The following PCDHGB5 variants were observed in gnomAD, a reference collection of about 807,000 sequenced individuals.
PCDHGB5 encodes protocadherin gamma subfamily B, 5.
In PCDHGB5, 48 loss-of-function variants were observed where a neutral mutation model predicts 62.9. That is an observed-to-expected ratio of 0.76 (90% confidence interval 0.61 to 0.97). The LOEUF is 0.97. PCDHGB5 is among the 50% of genes least tolerant of loss of function. The probability of loss-of-function intolerance (pLI) is 0.00; values close to 1 mark genes in which losing one functional copy is unlikely to be tolerated. For missense variants in PCDHGB5, 1,118 were observed against 1,198.6 expected, an observed-to-expected ratio of 0.93 and a Z score of 0.99; for synonymous variants, 474 against 511.2, an observed-to-expected ratio of 0.93 and a Z score of 0.98.
chr5:141,509,059 C>T (rs1313349089), intron 3 of PCDHGB5, among the ~76,000 whole-genome samples: 2 of 152,182 alleles, frequency 1.3e-5, no homozygotes, highest in Non-Finnish European at 2.9e-5. Flanking sequence ...CCAGAAAGCT[C>T]TCAGCTCCGG....
Position 141,477,931 on chromosome 5 carries a change from G to T in PCDHGB5, c.2398-16876G>T. 6.2e-7 allele frequency: 1 copy of T among 1,614,138 alleles called. No homozygotes were observed. Among genetic ancestry groups the T allele is most frequent in the Non-Finnish European group, 8.5e-7 (1 of 1,180,040 alleles). ...ACGCGGATGCAGGGCACAATGCCTG[G>T]CTCTCCTACAGTCTCTTGGGATCCC... On this transcript the variant is annotated intron_variant, in intron 1 of 3. Coordinates refer to ENST00000617380, the MANE Select transcript of PCDHGB5 (RefSeq NM_018925.3). This position sits in a 1 kb window ranked among gnomAD's most constrained non-coding sequence, Gnocchi z 4.9.
chr5:141,425,057 C>T (rs926732426), intron 1 of PCDHGB5, among the ~76,000 whole-genome samples: 4 of 152,026 alleles, frequency 2.6e-5, no homozygotes, highest in African/African-American at 4.8e-5. Flanking sequence ...ATCTAGGGCT[C>T]GGACAAAAAT....
chr5:141,400,515 T>C lies in PCDHGB5; in HGVS notation c.2388T>C (p.His796=), dbSNP rs367864769. The change falls in exon 1 of 4, where the codon CAT becomes CAC. Residue 796 remains histidine, a synonymous_variant. Coordinates refer to ENST00000617380, the MANE Select transcript of PCDHGB5 (RefSeq NM_018925.3). ...GTAATTCCAGCGAGTCGACTTCCCATCCTGAGTTGGTGAGTTTCATTTATG... is the reference window on the plus strand; with the variant it reads ...GTAATTCCAGCGAGTCGACTTCCCACCCTGAGTTGGTGAGTTTCATTTATG... ...PLCNSSESTS[H]PELQAPPNTD... 2,129 of 1,613,988 alleles carry C rather than the reference T, an allele frequency of 1.3e-3. 41 individuals are homozygous for C. In the South Asian group the frequency reaches 0.02, roughly 15 times the overall value.
intron 1 of PCDHGB5, chr5:141,405,100 G>A (rs764536213): frequency 1.2e-6 from 2 of 1,613,924 alleles, no homozygotes; most frequent in Non-Finnish European, 1.7e-6. Context: ...CCCTCAGGCT[G>A]AGGCACTGGC....
rs765756193 is a variant in PCDHGB5, at chr5:141,511,105, C to T, written c.2704C>T (p.Arg902Trp). The T allele has an allele frequency of 2.8e-5, 46 of 1,614,196 alleles. No individual in the cohort carries two copies. In the East Asian group the frequency reaches 3.1e-4, roughly 11 times the overall value. Residue 902 changes from arginine to tryptophan, a missense_variant, in exon 4 of 4, where the codon CGG becomes TGG. Transcript: ENST00000617380. ...CACACTGACCAACGCAGCTGGCAAG[C>T]GGGATGGCAAGGCCCCAGCAGGTGG... ...NATLTNAAGK[R>W]DGKAPAGGNG...
intron 1 of PCDHGB5, chr5:141,484,946 C>T (rs2154580274): frequency 3.6e-6 from 2 of 561,448 alleles, no homozygotes; most frequent in Non-Finnish European, 6.4e-6. Flanking sequence ...CTCTGCTCAG[C>T]CTATTGGCTG....
At position 141,432,476 on chromosome 5, in the gene PCDHGB5, A is replaced by T. The variant is rs778378071; in HGVS notation, c.2397+31952A>T. On this transcript the variant is annotated intron_variant, in intron 1 of 3. Transcript: ENST00000617380. This position sits in a 1 kb window ranked among gnomAD's most constrained non-coding sequence, Gnocchi z 6.0. ...CCCCGCCCTCCCCACGGACGGTTCC[A>T]CTGGCGTGGAGCTGGCTCCCCGCTC... 4.6e-5 allele frequency: 75 copies of T among 1,613,962 alleles called. No homozygotes were observed. In the South Asian group the frequency reaches 7.9e-4, roughly 17 times the overall value.
Position 141,431,135 on chromosome 5 carries a change from A to G in PCDHGB5, c.2397+30611A>G, listed in dbSNP as rs140069213. The G allele has an allele frequency of 1.5e-5, 24 of 1,614,266 alleles. No homozygotes were observed. In the African/African-American group the frequency reaches 3.1e-4, roughly 21 times the overall value. Reference sequence around the variant, plus strand: ...TGGAGTAGAAGTAGAAGTAAGGGACATTAACGACAATGCGCCTTACTTTCG... The same window carrying G: ...TGGAGTAGAAGTAGAAGTAAGGGACGTTAACGACAATGCGCCTTACTTTCG... On this transcript the variant is annotated intron_variant, in intron 1 of 3. Transcript: ENST00000617380. This position sits in a 1 kb window ranked among gnomAD's most constrained non-coding sequence, Gnocchi z 4.8.
intron 1 of PCDHGB5, chr5:141,403,197 G>T: frequency 6.2e-7 from 1 of 1,613,986 alleles, no homozygotes; most frequent in Non-Finnish European, 8.5e-7. Flanking sequence ...CCGCGCAGCG[G>T]CACCTTGGTC....
At position 141,477,401 on chromosome 5, in the gene PCDHGB5, G is replaced by T. The variant is rs781253466; in HGVS notation, c.2398-17406G>T. On this transcript the variant is annotated intron_variant, in intron 1 of 3. Coordinates refer to ENST00000617380, the MANE Select transcript of PCDHGB5 (RefSeq NM_018925.3). The surrounding 1 kb of genome is among the most constrained non-coding windows in gnomAD (Gnocchi z 4.9). ...GCCAGAATACAACCTCAGCATCACC[G>T]CCCGAGACGCCGGAACCCCTTCCCT... 8 of 1,613,960 alleles carry T rather than the reference G, an allele frequency of 5.0e-6. No homozygotes were observed. The highest frequency in any genetic ancestry group is 4.5e-5 in the East Asian group (2 of 44,890).
Position 141,399,194 on chromosome 5 carries a change from C to A in PCDHGB5, c.1067C>A (p.Ala356Glu), listed in dbSNP as rs770516092. 24 of 1,613,720 alleles carry A rather than the reference C, an allele frequency of 1.5e-5. No individual in the cohort carries two copies. The highest frequency in any genetic ancestry group is 1.5e-5 in the Non-Finnish European group (18 of 1,179,818). ...HSLLEMILEN[A>E]VPGTLIALIK... is the part of the protein sequence containing the mutation. ...CTACTTGAAATGATTCTGGAAAACG[C>A]GGTGCCTGGAACACTAATTGCTTTG... Residue 356 changes from alanine to glutamate, a missense_variant, in exon 1 of 4, where the codon GCG becomes GAG. Physicochemically the swap from Ala to Glu is moderately radical, Grantham distance 107. Around this residue, in one of 2 missense-constraint regions of PCDHGB5, gnomAD observed 1,034 missense variants for 1,029.1 expected, o/e 1.00. Coordinates refer to ENST00000617380, the MANE Select transcript of PCDHGB5 (RefSeq NM_018925.3).
chr5:141,491,580 G>A lies in PCDHGB5; in HGVS notation c.2398-3227G>A. 6.2e-7 allele frequency: 1 copy of A among 1,613,942 alleles called. No individual in the cohort carries two copies. Among genetic ancestry groups the A allele is most frequent in the Non-Finnish European group, 8.5e-7 (1 of 1,180,044 alleles). ...ACTGCTACAGGACGTGCTTTTCACC[G>A]GCCTCGGACGGCAGTGACTTCACTT... is the stretch of plus-strand genomic sequence containing the variant. On this transcript the variant is annotated intron_variant, in intron 1 of 3. Coordinates refer to ENST00000617380, the MANE Select transcript of PCDHGB5 (RefSeq NM_018925.3). The surrounding 1 kb of genome is among the most constrained non-coding windows in gnomAD (Gnocchi z 6.9).
intron 1 of PCDHGB5, among the ~76,000 whole-genome samples, chr5:141,401,837 A>G (rs1302723544): frequency 6.6e-6 from 1 of 152,198 alleles, no homozygotes; most frequent in Non-Finnish European, 1.5e-5. Context: ...ATTTCTTATA[A>G]TACCACTTAC....
Position 141,414,286 on chromosome 5 carries a change from G to A in PCDHGB5, c.2397+13762G>A, listed in dbSNP as rs2095728607. ...AGATTCACCTCTGGGAACAGTCGTA[G>A]CCCTTTTAAATGTGCATGATTTAGA... On this transcript the variant is annotated intron_variant, in intron 1 of 3. Coordinates refer to ENST00000617380, the MANE Select transcript of PCDHGB5 (RefSeq NM_018925.3). 1.9e-6 allele frequency: 3 copies of A among 1,613,586 alleles called. No individual in the cohort carries two copies. The highest frequency in any genetic ancestry group is 2.5e-6 in the Non-Finnish European group (3 of 1,179,770).
chr5:141,495,810 C>T (rs1003475681), intron 2 of PCDHGB5, among the ~76,000 whole-genome samples: 1 of 152,088 alleles, frequency 6.6e-6, no homozygotes, highest in Non-Finnish European at 1.5e-5. Context: ...CGTTTCCTAG[C>T]GCCTTGTGTT....
At chr5:141,408,712 T>C in intron 1 of PCDHGB5, 2 of 1,612,332 alleles carry the variant, frequency 1.2e-6, no homozygotes, top group Non-Finnish European at 1.7e-6. Flanking sequence ...TTAAAGATTA[T>C]AAGATAAACT....
Position 141,491,722 on chromosome 5 carries a change from C to G in PCDHGB5, c.2398-3085C>G, listed in dbSNP as rs1276921909. ...CCAGGTGAGGGGCTCGGCGCCGCCC[C>G]GGGCGACCCCTGGGGGCGGCACTGG... On this transcript the variant is annotated intron_variant, in intron 1 of 3. Transcript: ENST00000617380. This position sits in a 1 kb window ranked among gnomAD's most constrained non-coding sequence, Gnocchi z 6.9. 2 of 1,607,004 alleles carry G rather than the reference C, an allele frequency of 1.2e-6. No homozygotes were observed. The highest frequency in any genetic ancestry group is 1.7e-5 in the Admixed American group (1 of 58,788).
Position 141,409,090 on chromosome 5 carries a change from G to C in PCDHGB5, c.2397+8566G>C, listed in dbSNP as rs181368417. 9.9e-5 allele frequency: 159 copies of C among 1,614,024 alleles called. No individual in the cohort carries two copies. The African/African-American group carries it at 1.9e-3, about 19-fold the overall frequency. On this transcript the variant is annotated intron_variant, in intron 1 of 3. Transcript: ENST00000617380. ...CAAAACATATGTTCTCATTGGATGA[G>C]AAAACAGGTATGATTAAGAATAACC...
Position 141,431,228 on chromosome 5 carries a change from GC to G in PCDHGB5, c.2397+30706del. The G allele has an allele frequency of 6.2e-7, 1 of 1,614,118 alleles. No homozygotes were observed. Among genetic ancestry groups the G allele is most frequent in the Non-Finnish European group, 8.5e-7 (1 of 1,180,030 alleles). On this transcript the variant is annotated intron_variant, in intron 1 of 3. Transcript: ENST00000617380. This position sits in a 1 kb window ranked among gnomAD's most constrained non-coding sequence, Gnocchi z 4.8. ...TGAGATGCGGTTCCCTCTACCCCAC[GC>G]CTGGGATCCGGATATCGGGAAGAAC...
Sources: gnomAD v4.1 joint callset for allele counts (sites outside exome capture counted in the v4.1 genomes callset) on GRCh38, gnomAD v4.1.1 for gene constraint, gnomAD v4.1.1 regional missense constraint, Gnocchi (gnomAD v3.1) non-coding constraint, MANE v1.5 for transcripts, NCBI Gene and HGNC (gene_info 2026-07-23, HGNC 2026-07-21) for gene names.